PCNX2: variants seen among roughly 807,000 people sequenced by gnomAD.
The protein encoded by PCNX2 is pecanex-like protein 2.
In PCNX2, 168 loss-of-function variants were observed where a neutral mutation model predicts 223.8. That is an observed-to-expected ratio of 0.75 (90% confidence interval 0.66 to 0.85). The LOEUF is 0.85. Ranked by LOEUF, PCNX2 falls within the 40% of genes least tolerant of loss-of-function variation. PCNX2 has a pLI of 0.00. For missense variants in PCNX2, 2,507 were observed against 2,675.5 expected (o/e 0.94, Z 1.39); for synonymous variants, 1,006 against 1,052.6 (o/e 0.96, Z 0.86).
chr1:233,308,194 C>T, the PCNX2 span, among the ~76,000 whole-genome samples: 6 of 152,156 alleles, frequency 3.9e-5, no homozygotes, highest in South Asian at 2.1e-4. Flanking sequence ...TAGTGGCTCA[C>T]GCCTGTAATC....
At chr1:233,220,406 T>A (rs1252955522) in intron 10 of PCNX2, among the ~76,000 whole-genome samples, 1 of 152,230 alleles carries the variant, frequency 6.6e-6, no homozygotes, top group Non-Finnish European at 1.5e-5. Context: ...CCACCAGCAG[T>A]GAATGAGCGT....
chr1:233,278,238 A>G (rs896163432), intron 1 of PCNX2, among the ~76,000 whole-genome samples: 4 of 152,018 alleles, frequency 2.6e-5, no homozygotes, highest in African/African-American at 9.7e-5. Context: ...CCACACACCT[A>G]TTTTCAAGGT....
chr1:233,105,184 G>A (rs997288633), intron 21 of PCNX2, among the ~76,000 whole-genome samples: 9 of 152,076 alleles, frequency 5.9e-5, no homozygotes, highest in Admixed American at 3.3e-4. Context: ...TTTACAAAAT[G>A]AATCTATAAA....
chr1:233,119,435 A>AAAAAAAAAAAAAAAAAAAAAC, intron 21 of PCNX2, among the ~76,000 whole-genome samples: 1 of 140,470 alleles, frequency 7.1e-6, no homozygotes, highest in Non-Finnish European at 1.5e-5. Flanking sequence ...AAAAAAAAAA[A>AAAAAAAAAAAAAAAAAAAAAC]ATTGCCGGGC....
intron 21 of PCNX2, among the ~76,000 whole-genome samples, chr1:233,106,001 T>G (rs768271034): frequency 2.0e-4 from 31 of 152,124 alleles, no homozygotes; most frequent in Non-Finnish European, 3.8e-4. Flanking sequence ...GAGCTTTAGC[T>G]TAAGGATGTA....
At chr1:233,299,568 C>T (rs1412602376), upstream of PCNX2, among the ~76,000 whole-genome samples, 2 of 152,166 alleles carry the variant, frequency 1.3e-5, no homozygotes, top group Non-Finnish European at 2.9e-5. Context: ...TGTTAGAAGC[C>T]ACAAGCCAGA....
chr1:233,115,549 T>C (rs960876122), intron 21 of PCNX2, among the ~76,000 whole-genome samples: 10 of 152,174 alleles, frequency 6.6e-5, no homozygotes, highest in African/African-American at 2.4e-4. Context: ...TCAGTTCCTG[T>C]CACCTGATAC....
intron 23 of PCNX2, among the ~76,000 whole-genome samples, chr1:233,074,330 C>T (rs981749522): frequency 6.6e-6 from 1 of 152,118 alleles, no homozygotes; most frequent in Admixed American, 6.5e-5. Flanking sequence ...CGCGGTGGCT[C>T]ACGCCTGTAA....
chr1:233,290,746 G>A, intron 1 of PCNX2: 1 of 983,500 alleles, frequency 1.0e-6, no homozygotes, highest in Non-Finnish European at 1.2e-6. Context: ...TATCAAAGAA[G>A]GTCTCTAAGA....
chr1:233,251,165 G>T (rs983172800), intron 7 of PCNX2, among the ~76,000 whole-genome samples: 2 of 152,126 alleles, frequency 1.3e-5, no homozygotes, highest in Non-Finnish European at 2.9e-5. Context: ...TTCTCTTCAT[G>T]TGTCAGCATG....
chr1:233,106,045 G>A (rs1674751457), intron 21 of PCNX2, among the ~76,000 whole-genome samples: 2 of 152,162 alleles, frequency 1.3e-5, no homozygotes, highest in South Asian at 2.1e-4. Context: ...GGAAGCAAGG[G>A]TGGACTTCAA....
intron 12 of PCNX2, among the ~76,000 whole-genome samples, chr1:233,211,235 T>C (rs183261331): frequency 1.4e-4 from 22 of 152,234 alleles, no homozygotes; most frequent in Non-Finnish European, 2.5e-4. Flanking sequence ...CTCTCAGCTC[T>C]GCTGCATGTG....
At chr1:233,221,426 G>A (rs886377354) in intron 10 of PCNX2, among the ~76,000 whole-genome samples, 4 of 151,896 alleles carry the variant, frequency 2.6e-5, no homozygotes, top group East Asian at 1.9e-4. Flanking sequence ...CAAAGAATAA[G>A]GTTCCTAAAA....
chr1:232,985,739 G>T (rs147786863), intron 33 of PCNX2: 3 of 548,704 alleles, frequency 5.5e-6, no homozygotes, highest in African/African-American at 3.8e-5. Flanking sequence ...CCTCAGGCCA[G>T]AATCATGTGA....
chr1:233,029,562 TC>T (rs1440169888), intron 25 of PCNX2, among the ~76,000 whole-genome samples: 1 of 152,064 alleles, frequency 6.6e-6, no homozygotes, highest in Non-Finnish European at 1.5e-5. Context: ...TTTTAAAGTT[TC>T]TTATAGTGCA....
intron 21 of PCNX2, among the ~76,000 whole-genome samples, chr1:233,108,847 A>G (rs1305872488): frequency 1.3e-5 from 2 of 152,186 alleles, no homozygotes; most frequent in Non-Finnish European, 2.9e-5. Flanking sequence ...CCTGAGACCA[A>G]GGGGTTTCAT....
chr1:232,984,454 G>A lies in PCNX2; in HGVS notation c.6264C>T (p.Pro2088=). 6.2e-7 allele frequency: 1 copy of A among 1,613,384 alleles called. No individual in the cohort carries two copies. Among genetic ancestry groups the A allele is most frequent in the Non-Finnish European group, 8.5e-7 (1 of 1,179,710 alleles). Residue 2088 remains proline (P), a synonymous_variant, in exon 34 of 34, where the codon CCC becomes CCT. Coordinates refer to ENST00000258229, the MANE Select transcript of PCNX2 (RefSeq NM_014801.4). ...ATRHLSEPCE[P]PDATEQGQLH... Reference sequence around the variant, plus strand: ...GCTGCCCCTGCTCGGTGGCATCAGGGGGCTCACATGGCTCGGAGAGGTGCT... The same window carrying A: ...GCTGCCCCTGCTCGGTGGCATCAGGAGGCTCACATGGCTCGGAGAGGTGCT...
intron 21 of PCNX2, among the ~76,000 whole-genome samples, chr1:233,119,078 A>G (rs1327363261): frequency 6.6e-6 from 1 of 152,160 alleles, no homozygotes; most frequent in African/African-American, 2.4e-5. Context: ...GATTTTGACC[A>G]AGGTGCAAAA....
At chr1:233,144,129 C>T (rs1571960257) in intron 19 of PCNX2, among the ~76,000 whole-genome samples, 2 of 151,910 alleles carry the variant, frequency 1.3e-5, no homozygotes, top group East Asian at 3.9e-4. Context: ...TGTAATAAGC[C>T]GTGATTACAC....
Sources: gnomAD v4.1 joint callset for allele counts (sites outside exome capture counted in the v4.1 genomes callset) on GRCh38, gnomAD v4.1.1 for gene constraint, MANE v1.5 for transcripts, NCBI Gene and HGNC (gene_info 2026-07-23, HGNC 2026-07-21) for gene names.